The following XXYLT1 variants were observed in gnomAD, a reference collection of about 807,000 sequenced individuals.
XXYLT1 encodes the protein xyloside xylosyltransferase 1, also known as UDP-xylose:alpha-xyloside alpha-1,3-xylosyltransferase.
XXYLT1 carries 20 observed loss-of-function variants against 28.9 expected under a neutral mutation model. The observed-to-expected ratio is 0.69, with a 90% CI of 0.49 to 1.00. The LOEUF is 1.00. Ranked by LOEUF, XXYLT1 falls within the 50% of genes least tolerant of loss-of-function variation. The pLI is 0.00. For synonymous variants in XXYLT1, 257 were observed against 253.8 expected, an observed-to-expected ratio of 1.01 and a Z score of -0.12; for missense variants, 542 against 560.1, an observed-to-expected ratio of 0.97 and a Z score of 0.33.
intron 1 of XXYLT1, among the ~76,000 whole-genome samples, chr3:195,254,420 C>A (rs1007774018): frequency 3.9e-5 from 6 of 152,220 alleles, no homozygotes; most frequent in Non-Finnish European, 8.8e-5. Flanking sequence ...AAACTGGGGG[C>A]CACATGGCAT....
Position 195,078,896 on chromosome 3 carries a change from A to T in XXYLT1, c.786-8785T>A, listed in dbSNP as rs142761261. Among the ~76,000 whole-genome samples the T allele has an allele frequency of 1.7e-4, 26 of 152,130 alleles. No homozygotes were observed. The highest frequency in any genetic ancestry group is 6.3e-4 in the African/African-American group (26 of 41,494). On this transcript the variant is annotated intron_variant, in intron 3 of 3. Coordinates refer to ENST00000310380, the MANE Select transcript of XXYLT1 (RefSeq NM_152531.5). This position sits in a 1 kb window ranked among gnomAD's most constrained non-coding sequence, Gnocchi z 5.0. ...GATGGCCCTTCCCTTCACCTTGACC[A>T]CAGTGTCCTCAAACCACACCTAAGC...
At chr3:195,111,484 G>T (rs1385666610) in intron 3 of XXYLT1, among the ~76,000 whole-genome samples, 1 of 152,130 alleles carries the variant, frequency 6.6e-6, no homozygotes, top group Non-Finnish European at 1.5e-5. Context: ...GTCTGGCTGG[G>T]CTGAGTGGGC....
Position 195,226,741 on chromosome 3 carries a change from A to C in XXYLT1, c.620T>G (p.Leu207Arg). The change falls in exon 2 of 4, where the codon CTC (leucine) becomes CGC (arginine). Residue 207 changes from leucine (L) to arginine (R), a missense_variant. By Grantham distance (102) the Leu-to-Arg change is moderately radical. Coordinates refer to ENST00000310380, the MANE Select transcript of XXYLT1 (RefSeq NM_152531.5). ...GTYYSDSIFFLSVAMHQIMPK... is the reference protein window; with the variant it reads ...GTYYSDSIFFRSVAMHQIMPK... The stretch of plus-strand genomic sequence containing the variant: ...CATGATCTGATGCATGGCGACCGAG[A>C]GGAAGAAGATGGAGTCACTGTAGTA... 6.2e-7 allele frequency: 1 copy of C among 1,613,710 alleles called. No homozygotes were observed. The highest frequency in any genetic ancestry group is 8.5e-7 in the Non-Finnish European group (1 of 1,179,894).
At chr3:195,088,048 TC>T (rs1400513467) in intron 3 of XXYLT1, among the ~76,000 whole-genome samples, 1 of 152,084 alleles carries the variant, frequency 6.6e-6, no homozygotes, top group East Asian at 1.9e-4. Flanking sequence ...CCACGGAGTC[TC>T]GCTGATTGCC....
intron 3 of XXYLT1, among the ~76,000 whole-genome samples, chr3:195,071,009 C>A (rs1247864985): frequency 6.6e-6 from 1 of 152,240 alleles, no homozygotes; most frequent in Admixed American, 6.5e-5. Context: ...CTAGACACCT[C>A]CCTGTGAGGG....
At chr3:195,147,600 C>A (rs1719932441) in intron 3 of XXYLT1, among the ~76,000 whole-genome samples, 2 of 152,138 alleles carry the variant, frequency 1.3e-5, no homozygotes, top group African/African-American at 4.8e-5. Context: ...AACAAACTTT[C>A]CCATGGACTG....
At chr3:195,089,307 A>G (rs1420826467) in intron 3 of XXYLT1, among the ~76,000 whole-genome samples, 1 of 152,240 alleles carries the variant, frequency 6.6e-6, no homozygotes, top group Non-Finnish European at 1.5e-5. Flanking sequence ...AGGGAAGCCC[A>G]TCAGACTAAC....
chr3:195,270,491 A>G (rs7640099), intron 1 of XXYLT1, 64 bp downstream of exon 1: 1,143,982 of 1,347,056 alleles, frequency 0.85, 486,513 homozygotes, highest in East Asian at 0.93. Flanking sequence ...CCGGGAGCGC[A>G]AACTGACCTC....
At chr3:195,162,994 GT>G (rs928239733) in intron 2 of XXYLT1, among the ~76,000 whole-genome samples, 5 of 151,206 alleles carry the variant, frequency 3.3e-5, no homozygotes, top group Non-Finnish European at 7.4e-5. Context: ...TAAGTTTTTG[GT>G]TTTTTTTTGT....
intron 3 of XXYLT1, among the ~76,000 whole-genome samples, chr3:195,110,314 GT>G (rs1717517846): frequency 3.8e-3 from 6 of 1,562 alleles, no homozygotes; most frequent in Admixed American, 8.6e-3. Context: ...ATATGTGTGT[GT>G]GGGTGAGGGT....
intron 3 of XXYLT1, among the ~76,000 whole-genome samples, chr3:195,083,595 C>G (rs146380496): frequency 2.0e-5 from 3 of 152,078 alleles, no homozygotes; most frequent in South Asian, 4.1e-4. Context: ...AGAAAAATGA[C>G]GAGGAGGAGG....
intron 2 of XXYLT1, among the ~76,000 whole-genome samples, chr3:195,169,969 G>A (rs1436876977): frequency 6.6e-5 from 10 of 150,552 alleles, no homozygotes; most frequent in African/African-American, 1.5e-4. Flanking sequence ...AGGTTCAAGC[G>A]ATTCTCCTGC....
At chr3:195,239,867 G>A (rs1190743646) in intron 1 of XXYLT1, among the ~76,000 whole-genome samples, 16 of 152,302 alleles carry the variant, frequency 1.1e-4, no homozygotes, top group Admixed American at 6.5e-4. Context: ...ACCCATGTTC[G>A]TATCATGAGG....
chr3:195,215,788 C>T (rs1297095402), intron 2 of XXYLT1, among the ~76,000 whole-genome samples: 1 of 152,044 alleles, frequency 6.6e-6, no homozygotes, highest in Admixed American at 6.6e-5. Context: ...ACAAGGATAC[C>T]CACGAATTGA....
intron 3 of XXYLT1, among the ~76,000 whole-genome samples, chr3:195,106,028 C>T (rs1382155913): frequency 1.3e-5 from 2 of 152,188 alleles, no homozygotes; most frequent in Non-Finnish European, 2.9e-5. Context: ...TTGACTTGAA[C>T]ACCATAGGTA....
intron 3 of XXYLT1, among the ~76,000 whole-genome samples, chr3:195,085,296 G>A (rs944300239): frequency 6.6e-6 from 1 of 152,178 alleles, no homozygotes; most frequent in African/African-American, 2.4e-5. Context: ...AACCTCTTGG[G>A]AATGGTGACT....
At chr3:195,142,148 C>A (rs1399787871) in intron 3 of XXYLT1, among the ~76,000 whole-genome samples, 2 of 152,234 alleles carry the variant, frequency 1.3e-5, no homozygotes, top group Non-Finnish European at 2.9e-5. Flanking sequence ...ACCCTCCCTG[C>A]TCCACCACAT....
chr3:195,213,896 T>C (rs1190769422), intron 2 of XXYLT1, among the ~76,000 whole-genome samples: 2 of 152,164 alleles, frequency 1.3e-5, no homozygotes, highest in African/African-American at 2.4e-5. Context: ...GAAGGCAGGT[T>C]TTCACTCACG....
chr3:195,240,680 A>G lies in XXYLT1; in HGVS notation c.505-13824T>C, dbSNP rs1724737584. Reference sequence around the variant, plus strand: ...CCAAGGGTTCACCCATCTCCTCCCCATGCGCCGCCAGAGACCATCCCCCAG... The same window carrying G: ...CCAAGGGTTCACCCATCTCCTCCCCGTGCGCCGCCAGAGACCATCCCCCAG... On this transcript the variant is annotated intron_variant, in intron 1 of 3. Transcript: ENST00000310380. This position sits in a 1 kb window ranked among gnomAD's most constrained non-coding sequence, Gnocchi z 4.7. 6.6e-6 allele frequency among the ~76,000 whole-genome samples: 1 copy of G among 152,188 alleles called. No homozygotes were observed. Among genetic ancestry groups the G allele is most frequent in the Non-Finnish European group, 1.5e-5 (1 of 68,050 alleles).
Sources: allele counts gnomAD v4.1 joint callset (sites outside exome capture counted in the v4.1 genomes callset), GRCh38; gene constraint gnomAD v4.1.1; non-coding constraint Gnocchi (gnomAD v3.1); transcripts MANE v1.5; gene names NCBI Gene and HGNC (gene_info 2026-07-23, HGNC 2026-07-21).